Variants in GRIN3A observed in about 807,000 individuals in gnomAD.
GRIN3A encodes the protein glutamate receptor ionotropic, NMDA 3A.
GRIN3A carries 47 observed loss-of-function variants against 92.4 expected under a neutral mutation model. The observed-to-expected ratio is 0.51, with a 90% CI of 0.40 to 0.65. The LOEUF (loss-of-function observed/expected upper bound fraction) is 0.65. Among genes scored for constraint, GRIN3A ranks in the 30% least tolerant of loss-of-function variants. The probability of loss-of-function intolerance (pLI) is 0.00; values close to 1 mark genes in which losing one functional copy is unlikely to be tolerated. For synonymous variants in GRIN3A, 527 were observed against 540.6 expected (o/e 0.97, Z 0.35); for missense variants, 1,324 against 1,393.1 (o/e 0.95, Z 0.79).
At position 101,670,417 on chromosome 9, in the gene GRIN3A, G is replaced by A; in HGVS notation, c.1995C>T (p.Pro665=). 1 of 1,613,978 alleles carries A rather than the reference G, an allele frequency of 6.2e-7. No individual in the cohort carries two copies. The highest frequency in any genetic ancestry group is 8.5e-7 in the Non-Finnish European group (1 of 1,179,936). The stretch of plus-strand genomic sequence containing the variant: ...GGAGTGGCCACATGAAGGCTCCAAT[G>A]GGAGCTGCTGTATCTCGGGTCCTCA... ...ILVRTRDTAA[P]IGAFMWPLHW... The change falls in exon 3 of 9, where the codon CCC becomes CCT. Residue 665 remains proline (P), a synonymous_variant. Transcript: ENST00000361820.
intron 3 of GRIN3A, among the ~76,000 whole-genome samples, chr9:101,644,263 TC>T (rs1828903944): frequency 6.6e-6 from 1 of 151,958 alleles, no homozygotes; most frequent in East Asian, 1.9e-4. Context: ...CTGGCTCATT[TC>T]CAGGTAGACT....
Position 101,628,376 on chromosome 9 carries a change from C to T in GRIN3A, c.2378G>A (p.Arg793His), listed in dbSNP as rs557151255. The T allele has an allele frequency of 8.9e-5, 144 of 1,613,700 alleles. No individual in the cohort carries two copies. In the Admixed American group the frequency reaches 9.7e-4, roughly 11 times the overall value. Reference sequence around the variant, plus strand: ...ACTGCTTTCTCGGACAGTTCCAAAGCGGAATCCTTGGGAAGGATGATGTAA... The same window carrying T: ...ACTGCTTTCTCGGACAGTTCCAAAGTGGAATCCTTGGGAAGGATGATGTAA... Reference protein sequence around the residue: ...PKLHHPSQGFRFGTVRESSAE... With the variant: ...PKLHHPSQGFHFGTVRESSAE... Residue 793 changes from arginine (R) to histidine (H), a missense_variant, in exon 4 of 9, where the codon CGC becomes CAC. Coordinates refer to ENST00000361820, the MANE Select transcript of GRIN3A (RefSeq NM_133445.3).
Position 101,613,414 on chromosome 9 carries a change from C to T in GRIN3A, c.2728G>A (p.Val910Met), listed in dbSNP as rs780127796. 2 of 1,614,210 alleles carry T rather than the reference C, an allele frequency of 1.2e-6. No individual in the cohort carries two copies. Among genetic ancestry groups the T allele is most frequent in the Non-Finnish European group, 1.7e-6 (2 of 1,180,042 alleles). ...AAACTTCTCTTGCCACAGGGAACCA[C>T]CCTGTACCACTTGTCATGGAGCATA... ...MDMLHDKWYR[V>M]VPCGKRSFAV... The change falls in exon 6 of 9, where the codon GTG becomes ATG. Residue 910 changes from valine to methionine, a missense_variant. By Grantham distance (21) the Val-to-Met change is conservative. Transcript: ENST00000361820.
chr9:101,589,771 G>A (rs1179175183), intron 6 of GRIN3A, among the ~76,000 whole-genome samples: 1 of 151,970 alleles, frequency 6.6e-6, no homozygotes, highest in African/African-American at 2.4e-5. Context: ...TACTGTTTCA[G>A]GCATTAGAAC....
chr9:101,627,720 C>T (rs1005000664), intron 4 of GRIN3A, among the ~76,000 whole-genome samples: 1 of 152,186 alleles, frequency 6.6e-6, no homozygotes, highest in African/African-American at 2.4e-5. Flanking sequence ...TGTGATTTCT[C>T]ATGATTGCTT....
chr9:101,675,200 C>T (rs1181376617), intron 2 of GRIN3A, among the ~76,000 whole-genome samples: 2 of 151,814 alleles, frequency 1.3e-5, no homozygotes, highest in East Asian at 1.9e-4. Flanking sequence ...CCCAAGATAC[C>T]ATTCTCCTTA....
chr9:101,717,913 A>T (rs1721646007), intron 1 of GRIN3A, among the ~76,000 whole-genome samples: 1 of 152,186 alleles, frequency 6.6e-6, no homozygotes, highest in South Asian at 2.1e-4. Flanking sequence ...TTACAAAATC[A>T]ATTTCCCCAA....
chr9:101,586,550 A>G (rs1405124582), intron 6 of GRIN3A, among the ~76,000 whole-genome samples: 1 of 152,216 alleles, frequency 6.6e-6, no homozygotes, highest in Admixed American at 6.5e-5. Flanking sequence ...CAGTTTTGCT[A>G]GCCTGACCTG....
intron 1 of GRIN3A, among the ~76,000 whole-genome samples, chr9:101,715,614 CAGGT>C (rs1266612828): frequency 6.6e-6 from 1 of 151,900 alleles, no homozygotes; most frequent in Admixed American, 6.6e-5. Flanking sequence ...ATCAGCAAAA[CAGGT>C]AGAGAGATAT....
chr9:101,622,840 T>C (rs905760982), intron 5 of GRIN3A, among the ~76,000 whole-genome samples: 1 of 152,146 alleles, frequency 6.6e-6, no homozygotes, highest in Non-Finnish European at 1.5e-5. Flanking sequence ...TAAAATGTAA[T>C]CATTCTAGTT....
chr9:101,571,508 G>A lies in GRIN3A; in HGVS notation c.*1666C>T, dbSNP rs1188109789. Reference sequence around the variant, plus strand: ...GTAGGCATTCAAATTGGTTGGGGGTGGAACAATGAGTCCTGAGAAGATAAA... The same window carrying A: ...GTAGGCATTCAAATTGGTTGGGGGTAGAACAATGAGTCCTGAGAAGATAAA... On this transcript the variant is annotated 3_prime_UTR_variant, in exon 9 of 9. Transcript: ENST00000361820. The A allele has an allele frequency of 6.6e-6, 1 of 152,098 alleles. No individual in the cohort carries two copies. Among genetic ancestry groups the A allele is most frequent in the Non-Finnish European group, 1.5e-5 (1 of 68,050 alleles). 9.4% of individuals were successfully genotyped at this position (152,098 alleles called of 1,614,324 possible). A position where few individuals can be genotyped will look rare whatever the true frequency, so the allele number is the denominator to read the frequency against.
At chr9:101,719,272 C>T (rs533674300) in intron 1 of GRIN3A, among the ~76,000 whole-genome samples, 47 of 152,022 alleles carry the variant, frequency 3.1e-4, no homozygotes, top group Admixed American at 2.5e-3. Context: ...CGACAAAATT[C>T]GCCGGGTGTG....
At chr9:101,730,210 C>A (rs1588301055) in intron 1 of GRIN3A, among the ~76,000 whole-genome samples, 1 of 152,138 alleles carries the variant, frequency 6.6e-6, no homozygotes. Flanking sequence ...CTTCAGTGAA[C>A]CAGAACTCTA....
intron 5 of GRIN3A, among the ~76,000 whole-genome samples, chr9:101,617,616 TTTTA>T (rs1228304751): frequency 5.9e-5 from 7 of 119,360 alleles, no homozygotes; most frequent in East Asian, 2.1e-4. Flanking sequence ...TTTTATTTTA[TTTTA>T]TTTATTTATT....
chr9:101,682,913 C>T (rs1033390189), intron 2 of GRIN3A, among the ~76,000 whole-genome samples: 8 of 152,190 alleles, frequency 5.3e-5, no homozygotes, highest in Admixed American at 2.6e-4. Context: ...ACCAGGGAGG[C>T]GGAGCTTGCA....
chr9:101,728,391 AT>A (rs937912151), intron 1 of GRIN3A, among the ~76,000 whole-genome samples: 2 of 152,080 alleles, frequency 1.3e-5, no homozygotes, highest in Non-Finnish European at 2.9e-5. Context: ...TTTCTAAGTT[AT>A]TCCTAAGAAT....
rs1412234973 is a variant in GRIN3A, at chr9:101,572,959, C to G, written c.*215G>C. The stretch of plus-strand genomic sequence containing the variant: ...ACAGAGCTTACTCCTGACTAAGATT[C>G]TTGCTAGAAAAACACTCCTACCCTG... On this transcript the variant is annotated 3_prime_UTR_variant, in exon 9 of 9. Coordinates refer to ENST00000361820, the MANE Select transcript of GRIN3A (RefSeq NM_133445.3). 8.7e-6 allele frequency: 5 copies of G among 574,240 alleles called. No individual in the cohort carries two copies. The highest frequency in any genetic ancestry group is 1.6e-5 in the Non-Finnish European group (5 of 320,188). 35.6% of individuals were successfully genotyped at this position (574,240 alleles called of 1,614,324 possible). A position where few individuals can be genotyped will look rare whatever the true frequency, so the allele number is the denominator to read the frequency against.
chr9:101,589,979 A>C (rs571914971), intron 6 of GRIN3A, among the ~76,000 whole-genome samples: 3 of 152,318 alleles, frequency 2.0e-5, no homozygotes, highest in Admixed American at 1.3e-4. Context: ...AGTGACCTGC[A>C]TTTCTTTGTA....
At chr9:101,594,522 C>T (rs760377198) in intron 6 of GRIN3A, 3 of 1,614,026 alleles carry the variant, frequency 1.9e-6, no homozygotes, top group Admixed American at 3.3e-5. Context: ...ATGGTTTTGT[C>T]GACCAGCTGC....
Sources: allele counts gnomAD v4.1 joint callset (sites outside exome capture counted in the v4.1 genomes callset), GRCh38; gene constraint gnomAD v4.1.1; transcripts MANE v1.5; gene names NCBI Gene and HGNC (gene_info 2026-07-23, HGNC 2026-07-21).